DACH2: variants seen among roughly 807,000 people sequenced by gnomAD.
DACH2 encodes dachshund family transcription factor 2.
In DACH2, 17 loss-of-function variants were observed where a neutral mutation model predicts 35.8. The observed-to-expected ratio is 0.48, with a 90% CI of 0.33 to 0.71. The LOEUF (loss-of-function observed/expected upper bound fraction) is 0.71. DACH2 is among the 30% of genes least tolerant of loss of function. The pLI is 0.02. For missense variants in DACH2, 469 were observed against 472.7 expected (o/e 0.99, Z 0.07); for synonymous variants, 195 against 177.3 (o/e 1.10, Z -0.79).
chrX:86,446,874 A>C (rs977848935), intron 2 of DACH2, among the ~76,000 whole-genome samples: 2 of 94,225 alleles, frequency 2.1e-5, no homozygotes, highest in African/African-American at 3.9e-5. Flanking sequence ...TGCCACACTG[A>C]CTTCCACAAG....
chrX:86,196,598 C>T (rs2147897095), intron 1 of DACH2, among the ~76,000 whole-genome samples: 1 of 99,764 alleles, frequency 1.0e-5, no homozygotes, highest in East Asian at 3.3e-4. Flanking sequence ...GAGGCTGACG[C>T]AGGAGAATGG....
intron 2 of DACH2, among the ~76,000 whole-genome samples, chrX:86,473,640 G>A (rs910089227): frequency 1.8e-5 from 2 of 110,691 alleles, no homozygotes; most frequent in African/African-American, 6.6e-5. Context: ...CTCTGTGCCT[G>A]GCTTATTTCA....
chrX:86,378,823 C>A (rs777690705), intron 2 of DACH2, among the ~76,000 whole-genome samples: 1 of 110,726 alleles, frequency 9.0e-6, no homozygotes, highest in Non-Finnish European at 1.9e-5. Context: ...AATAAATAAC[C>A]AGTGGGAGTG....
chrX:86,678,170 A>T (rs1416093051), intron 4 of DACH2, among the ~76,000 whole-genome samples: 1 of 112,291 alleles, frequency 8.9e-6, no homozygotes. Flanking sequence ...ACCAACTTAA[A>T]ATAATACATT....
At chrX:86,608,077 C>A (rs1274951689) in intron 3 of DACH2, among the ~76,000 whole-genome samples, 2 of 109,447 alleles carry the variant, frequency 1.8e-5, no homozygotes, top group Non-Finnish European at 3.8e-5. Context: ...GTCTTTATAG[C>A]AGCATGATTT....
intron 1 of DACH2, among the ~76,000 whole-genome samples, chrX:86,337,526 C>T (rs1164677156): frequency 1.8e-5 from 2 of 110,883 alleles, no homozygotes; most frequent in African/African-American, 6.5e-5. Flanking sequence ...CAAGCAAACA[C>T]CTTACAAGTC....
chrX:86,671,658 C>T (rs1569464490), intron 4 of DACH2, among the ~76,000 whole-genome samples: 1 of 111,777 alleles, frequency 8.9e-6, no homozygotes, highest in East Asian at 2.8e-4. Flanking sequence ...ACTGTACAGT[C>T]TGTGGAAGTG....
intron 4 of DACH2, among the ~76,000 whole-genome samples, chrX:86,693,572 T>C (rs1015292895): frequency 8.9e-6 from 1 of 112,223 alleles, no homozygotes; most frequent in South Asian, 3.7e-4. Flanking sequence ...TTTCAGAGAT[T>C]CTTAGCATGT....
intron 3 of DACH2, among the ~76,000 whole-genome samples, chrX:86,538,710 G>A (rs1407545263): frequency 5.4e-5 from 6 of 111,203 alleles, no homozygotes; most frequent in African/African-American, 2.0e-4. Context: ...ATTCATGTGG[G>A]TGGAGCTTTC....
intron 3 of DACH2, among the ~76,000 whole-genome samples, chrX:86,552,273 T>C (rs1299518146): frequency 8.9e-6 from 1 of 111,760 alleles, no homozygotes; most frequent in East Asian, 2.8e-4. Flanking sequence ...ACAATTGTAA[T>C]ACTAAGTTGA....
At chrX:86,362,856 G>A (rs1468599226) in intron 1 of DACH2, among the ~76,000 whole-genome samples, 1 of 110,782 alleles carries the variant, frequency 9.0e-6, no homozygotes, top group Non-Finnish European at 1.9e-5. Context: ...TAACAGATGG[G>A]CTTACTTTTA....
Position 86,393,963 on chromosome X carries a change from A to ATTG in DACH2, c.527+17103_527+17104insGTT, listed in dbSNP as rs2036240876. ...TTTTATTATTATTATTATTATTATT[A>ATTG]TTATTTTCATCATTATAAATGTCTT... On this transcript the variant is annotated intron_variant, in intron 2 of 11. Coordinates refer to ENST00000373125, the MANE Select transcript of DACH2 (RefSeq NM_053281.3). 7.4e-5 allele frequency among the ~76,000 whole-genome samples: 8 copies of ATTG among 107,601 alleles called. No individual in the cohort carries two copies. The South Asian group carries it at 3.1e-3, about 42-fold the overall frequency. The allele number at this position is 107,601 out of a possible 115,157, so 93.4% of individuals were successfully genotyped here. A position where few individuals can be genotyped will look rare whatever the true frequency, so the allele number is the denominator to read the frequency against.
intron 1 of DACH2, among the ~76,000 whole-genome samples, chrX:86,213,490 G>T (rs1291391667): frequency 9.0e-6 from 1 of 110,914 alleles, no homozygotes; most frequent in Non-Finnish European, 1.9e-5. Context: ...GTGAAAAGCT[G>T]GCAAACTTAA....
intron 5 of DACH2, among the ~76,000 whole-genome samples, chrX:86,714,061 A>G (rs2041308481): frequency 9.0e-6 from 1 of 111,587 alleles, no homozygotes; most frequent in Non-Finnish European, 1.9e-5. Context: ...GGTATAACAT[A>G]CTCCAAGTCT....
intron 1 of DACH2, among the ~76,000 whole-genome samples, chrX:86,280,993 A>G (rs1340199133): frequency 9.0e-6 from 1 of 111,495 alleles, no homozygotes; most frequent in East Asian, 2.8e-4. Flanking sequence ...CTCCCACACA[A>G]TAATAATGGA....
intron 1 of DACH2, among the ~76,000 whole-genome samples, chrX:86,183,656 C>A (rs1160885424): frequency 9.0e-6 from 1 of 111,175 alleles, no homozygotes; most frequent in African/African-American, 3.3e-5. Context: ...TGTGTCTCTG[C>A]CGGGTTTTGG....
chrX:86,267,610 G>A (rs2033734921), intron 1 of DACH2, among the ~76,000 whole-genome samples: 1 of 111,834 alleles, frequency 8.9e-6, no homozygotes, highest in Non-Finnish European at 1.9e-5. Flanking sequence ...TAATCTTTTA[G>A]AGCCCTCAGT....
At chrX:86,347,130 G>A (rs1313205335) in intron 1 of DACH2, among the ~76,000 whole-genome samples, 1 of 111,836 alleles carries the variant, frequency 8.9e-6, no homozygotes, top group Non-Finnish European at 1.9e-5. Context: ...GTGATGCCCA[G>A]AGATAATTTT....
At chrX:86,660,387 A>G (rs1354407908) in intron 4 of DACH2, among the ~76,000 whole-genome samples, 2 of 111,940 alleles carry the variant, frequency 1.8e-5, no homozygotes, top group Admixed American at 1.9e-4. Context: ...TTGCAAATTC[A>G]TTTGCAGTAT....
Sources: gnomAD v4.1 joint callset for allele counts (sites outside exome capture counted in the v4.1 genomes callset) on GRCh38, gnomAD v4.1.1 for gene constraint, MANE v1.5 for transcripts, NCBI Gene and HGNC (gene_info 2026-07-23, HGNC 2026-07-21) for gene names.